The following JPH1 variants were observed in gnomAD, a reference collection of about 807,000 sequenced individuals.
JPH1 encodes junctophilin-1.
In JPH1, 12 loss-of-function variants were observed where a neutral mutation model predicts 53.6. The observed-to-expected ratio is 0.22, with a 90% CI of 0.14 to 0.36. JPH1 has a LOEUF of 0.36. Ranked by LOEUF, JPH1 falls within the 10% of genes least tolerant of loss-of-function variation. The pLI, the probability that JPH1 is intolerant of heterozygous loss-of-function variation, is 1.00. For missense variants in JPH1, 808 were observed against 905.5 expected (o/e 0.89, Z 1.38); for synonymous variants, 375 against 363.8 (o/e 1.03, Z -0.35).
At chr8:74,275,597 C>A (rs536933601) in intron 2 of JPH1, among the ~76,000 whole-genome samples, 2 of 152,080 alleles carry the variant, frequency 1.3e-5, no homozygotes, top group Non-Finnish European at 2.9e-5. Context: ...AGCATGACAA[C>A]GAAAAATGTG....
intron 3 of JPH1, among the ~76,000 whole-genome samples, chr8:74,252,624 A>G (rs1288809924): frequency 2.0e-5 from 3 of 152,130 alleles, no homozygotes; most frequent in Non-Finnish European, 2.9e-5. Context: ...GTCAAGACCC[A>G]TCAGTGTGCT....
intron 2 of JPH1, among the ~76,000 whole-genome samples, chr8:74,261,665 A>G (rs1806399788): frequency 6.6e-6 from 1 of 152,116 alleles, no homozygotes; most frequent in African/African-American, 2.4e-5. Flanking sequence ...GCCCTCCGCT[A>G]ATGTTCTTTC....
At chr8:74,296,767 T>C (rs546178777) in intron 2 of JPH1, among the ~76,000 whole-genome samples, 1 of 152,324 alleles carries the variant, frequency 6.6e-6, no homozygotes, top group African/African-American at 2.4e-5. Context: ...AAATATTGTA[T>C]ATATTTATAG....
At position 74,315,295 on chromosome 8, in the gene JPH1, C is replaced by T. The variant is rs1791570349; in HGVS notation, c.705G>A (p.Lys235=). 3 of 1,613,924 alleles carry T rather than the reference C, an allele frequency of 1.9e-6. No individual in the cohort carries two copies. Among genetic ancestry groups the T allele is most frequent in the African/African-American group, 1.3e-5 (1 of 74,932 alleles). ...KSESKSSISS[K]RSSVRSDAAM... is the part of the protein sequence containing the mutation. ...CCGCGTCGCTGCGGACAGAGCTGCG[C>T]TTGCTCGAGATGGAAGACTTGGATT... Residue 235 remains lysine, a synonymous_variant, in exon 2 of 6, where the codon AAG becomes AAA. Coordinates refer to ENST00000342232, the MANE Select transcript of JPH1 (RefSeq NM_020647.4). The surrounding 1 kb of genome is among the most constrained non-coding windows in gnomAD (Gnocchi z 6.3).
At chr8:74,300,632 A>G (rs1807652263) in intron 2 of JPH1, among the ~76,000 whole-genome samples, 1 of 152,168 alleles carries the variant, frequency 6.6e-6, no homozygotes, top group African/African-American at 2.4e-5. Context: ...TCCCTTTTAT[A>G]CCATCTTCTG....
Position 74,321,482 on chromosome 8 carries a change from T to C in JPH1, c.-195A>G. Reference sequence around the variant, plus strand: ...TCTTTTGCCGCCGCCACCGCCGCCTTCCTCCTCCTCCTCCTCCTCCTTCGC... The same window carrying C: ...TCTTTTGCCGCCGCCACCGCCGCCTCCCTCCTCCTCCTCCTCCTCCTTCGC... On this transcript the variant is annotated 5_prime_UTR_variant, in exon 1 of 6. Transcript: ENST00000342232. This position sits in a 1 kb window ranked among gnomAD's most constrained non-coding sequence, Gnocchi z 4.3. 5.6e-6 allele frequency: 2 copies of C among 354,246 alleles called. No individual in the cohort carries two copies. The highest frequency in any genetic ancestry group is 9.3e-6 in the Non-Finnish European group (2 of 214,756). The allele number at this position is 354,246 out of a possible 1,614,324, so 21.9% of individuals were successfully genotyped here.
intron 2 of JPH1, among the ~76,000 whole-genome samples, chr8:74,308,620 AGT>A (rs1258564130): frequency 6.6e-6 from 1 of 152,242 alleles, no homozygotes; most frequent in East Asian, 1.9e-4. Flanking sequence ...CTGACTTCAG[AGT>A]CAGCCCATCC....
chr8:74,278,017 C>T (rs1166990823), intron 2 of JPH1, among the ~76,000 whole-genome samples: 3 of 152,020 alleles, frequency 2.0e-5, no homozygotes, highest in Admixed American at 2.0e-4. Flanking sequence ...AATATAAAAT[C>T]CTATTTCCCA....
intron 2 of JPH1, among the ~76,000 whole-genome samples, chr8:74,279,038 G>T (rs182536914): frequency 3.7e-3 from 561 of 152,146 alleles, no homozygotes; most frequent in African/African-American, 0.013. Context: ...TTTTAAGTTA[G>T]AAGCTGCCAC....
intron 2 of JPH1, among the ~76,000 whole-genome samples, chr8:74,306,845 C>A (rs1447530454): frequency 6.6e-6 from 1 of 152,134 alleles, no homozygotes; most frequent in Non-Finnish European, 1.5e-5. Flanking sequence ...GATCCGCCCG[C>A]CTCGGCCTCC....
chr8:74,315,105 A>T lies in JPH1; in HGVS notation c.895T>A (p.Ser299Thr), dbSNP rs777604006. 6.8e-6 allele frequency: 11 copies of T among 1,614,164 alleles called. No homozygotes were observed. The highest frequency in any genetic ancestry group is 9.3e-6 in the Non-Finnish European group (11 of 1,180,024). The change falls in exon 2 of 6, where the codon TCC becomes ACC. Residue 299 changes from serine (S) to threonine (T), a missense_variant. Ser to Thr is a moderately conservative substitution (Grantham distance 58). This residue lies in a region of JPH1 where 756 missense variants were observed against 811.9 expected (regional missense o/e 0.93). Transcript: ENST00000342232. The surrounding 1 kb of genome is among the most constrained non-coding windows in gnomAD (Gnocchi z 6.3). Reference protein sequence around the residue: ...KRNGFGVSERSNGMKYEGEWA... With the variant: ...KRNGFGVSERTNGMKYEGEWA... ...TCCCCTTCATACTTCATGCCATTGG[A>T]GCGCTCGCTAACGCCGAAGCCGTTG...
chr8:74,313,078 T>A (rs1808042206), intron 2 of JPH1, among the ~76,000 whole-genome samples: 1 of 152,156 alleles, frequency 6.6e-6, no homozygotes, highest in African/African-American at 2.4e-5. Context: ...ACTCCTCCAA[T>A]GGAAACTAAT....
chr8:74,307,741 T>C (rs1023784247), intron 2 of JPH1, among the ~76,000 whole-genome samples: 8 of 152,254 alleles, frequency 5.3e-5, no homozygotes, highest in African/African-American at 1.4e-4. Flanking sequence ...ATCTAAACTT[T>C]GTTTAAAAAT....
chr8:74,306,888 C>G (rs551419181), intron 2 of JPH1, among the ~76,000 whole-genome samples: 1 of 151,934 alleles, frequency 6.6e-6, no homozygotes, highest in Non-Finnish European at 1.5e-5. Context: ...TGAGCCACCA[C>G]GCCCGGCCTA....
chr8:74,311,862 A>C (rs928543346), intron 2 of JPH1, among the ~76,000 whole-genome samples: 4 of 151,974 alleles, frequency 2.6e-5, no homozygotes, highest in Non-Finnish European at 4.4e-5. Flanking sequence ...ATCATTTTTT[A>C]TGGCTGCATA....
intron 2 of JPH1, among the ~76,000 whole-genome samples, chr8:74,289,627 C>T (rs1355937206): frequency 6.6e-6 from 1 of 152,168 alleles, no homozygotes; most frequent in African/African-American, 2.4e-5. Flanking sequence ...AATTCTAACT[C>T]CCCTTTCCCC....
intron 3 of JPH1, among the ~76,000 whole-genome samples, chr8:74,258,544 T>A (rs1156573932): frequency 6.6e-6 from 1 of 152,232 alleles, no homozygotes; most frequent in Non-Finnish European, 1.5e-5. Context: ...TCTTCCATTG[T>A]GACATGCATT....
rs980686091 is a variant in JPH1, at chr8:74,235,536, A to G, written c.*1515T>C. ...AAAATCTGATTAAACCATGCAAATC[A>G]TGAAAATATTTAGGAGTAGCTCCCC... On this transcript the variant is annotated 3_prime_UTR_variant, in exon 6 of 6. Transcript: ENST00000342232. The G allele has an allele frequency of 6.6e-6, 1 of 152,528 alleles. No individual in the cohort carries two copies. The highest frequency in any genetic ancestry group is 1.5e-5 in the Non-Finnish European group (1 of 68,016). 9.4% of individuals were successfully genotyped at this position (152,528 alleles called of 1,614,324 possible).
At chr8:74,254,562 A>G (rs1427964063) in intron 3 of JPH1, among the ~76,000 whole-genome samples, 5 of 152,150 alleles carry the variant, frequency 3.3e-5, no homozygotes, top group East Asian at 1.9e-4. Context: ...GGCAGGAGAA[A>G]GAAATAAAGG....
Sources: allele counts gnomAD v4.1 joint callset (sites outside exome capture counted in the v4.1 genomes callset), GRCh38; gene constraint gnomAD v4.1.1; regional missense constraint gnomAD v4.1.1; non-coding constraint Gnocchi (gnomAD v3.1); transcripts MANE v1.5; gene names NCBI Gene and HGNC (gene_info 2026-07-23, HGNC 2026-07-21).